The following CDH22 variants were observed in gnomAD, a reference collection of about 807,000 sequenced individuals.
CDH22 encodes the protein cadherin 22.
Under a neutral mutation model 58.4 loss-of-function variants are expected in CDH22, and 30 were observed. The ratio of observed to expected loss-of-function variants is 0.51; its 90% confidence interval spans 0.38 to 0.70. CDH22 has a LOEUF of 0.70. Among genes scored for constraint, CDH22 ranks in the 30% least tolerant of loss-of-function variants. The probability of loss-of-function intolerance (pLI) is 0.00; values close to 1 mark genes in which losing one functional copy is unlikely to be tolerated. For synonymous variants in CDH22, 513 were observed against 558.2 expected, an observed-to-expected ratio of 0.92 and a Z score of 1.14; for missense variants, 1,014 against 1,233.9, an observed-to-expected ratio of 0.82 and a Z score of 2.67.
At chr20:46,268,639 C>T (rs2086473325) in intron 1 of CDH22, among the ~76,000 whole-genome samples, 1 of 152,186 alleles carries the variant, frequency 6.6e-6, no homozygotes, top group Non-Finnish European at 1.5e-5. Context: ...GCCTCCTTAG[C>T]CCCAGACTCC....
In CDH22 at chr20:46,210,549, G is replaced by A; in HGVS notation, c.1044C>T (p.Phe348=). 4 of 1,427,342 alleles carry A rather than the reference G, an allele frequency of 2.8e-6. No individual in the cohort carries two copies. The highest frequency in any genetic ancestry group is 3.7e-6 in the Non-Finnish European group (4 of 1,087,062). 88.4% of individuals were successfully genotyped at this position (1,427,342 alleles called of 1,614,324 possible). ...AIIVVQKRLD[F]ESQPVHTVIL... ...TCACGGTGTGCACGGGCTGGGATTCGAAGTCCAGGCGCTGCGGGAGGGAGC... is the reference window on the plus strand; with the variant it reads ...TCACGGTGTGCACGGGCTGGGATTCAAAGTCCAGGCGCTGCGGGAGGGAGC... The change falls in exon 7 of 12, where the codon TTC becomes TTT. Residue 348 remains phenylalanine, a synonymous_variant. Coordinates refer to ENST00000537909, the MANE Select transcript of CDH22 (RefSeq NM_021248.3). This position sits in a 1 kb window ranked among gnomAD's most constrained non-coding sequence, Gnocchi z 4.5.
Position 46,216,796 on chromosome 20 carries a change from C to A in CDH22, c.838+30G>T. The A allele has an allele frequency of 6.3e-7, 1 of 1,577,476 alleles. No homozygotes were observed. The highest frequency in any genetic ancestry group is 8.7e-7 in the Non-Finnish European group (1 of 1,150,638). On this transcript the variant is annotated intron_variant, in intron 5 of 11. Transcript: ENST00000537909. The surrounding 1 kb of genome is among the most constrained non-coding windows in gnomAD (Gnocchi z 5.3). Reference sequence around the variant, plus strand: ...ATGGGGTAACAGACAGACACACAGACGCGCCTTCCTCTGGGAAGGCCTCAC... The same window carrying A: ...ATGGGGTAACAGACAGACACACAGAAGCGCCTTCCTCTGGGAAGGCCTCAC...
chr20:46,287,059 C>T (rs1389552800), intron 1 of CDH22, among the ~76,000 whole-genome samples: 4 of 152,070 alleles, frequency 2.6e-5, no homozygotes, highest in African/African-American at 4.8e-5. Context: ...GTGAACAAGA[C>T]GGGCATGGTC....
At chr20:46,276,221 A>G (rs565290278) in intron 1 of CDH22, among the ~76,000 whole-genome samples, 2 of 152,198 alleles carry the variant, frequency 1.3e-5, no homozygotes, top group Non-Finnish European at 2.9e-5. Context: ...CTCTGACTGA[A>G]TCTCTGCAGA....
At chr20:46,270,731 C>T (rs1458535330) in intron 1 of CDH22, among the ~76,000 whole-genome samples, 1 of 152,150 alleles carries the variant, frequency 6.6e-6, no homozygotes, top group Non-Finnish European at 1.5e-5. Context: ...ATGGATGGAA[C>T]AGTCTGGAAC....
In CDH22 at chr20:46,216,878, G is replaced by A. The variant is rs372691341; in HGVS notation, c.786C>T (p.Thr262=). Residue 262 remains threonine (T), a synonymous_variant, in exon 5 of 12, where the codon ACC becomes ACT. Transcript: ENST00000537909. The surrounding 1 kb of genome is among the most constrained non-coding windows in gnomAD (Gnocchi z 5.3). The part of the protein sequence containing the change: ...GQLGGLSGST[T]VTIVVTDVND... ...TGACGTCGGTGACTACGATGGTGAC[G>A]GTAGTGGAGCCCGAGAGGCCACCCA... 6.2e-6 allele frequency: 10 copies of A among 1,610,330 alleles called. No individual in the cohort carries two copies. Among genetic ancestry groups the A allele is most frequent in the African/African-American group, 4.0e-5 (3 of 74,816 alleles).
chr20:46,202,643 A>G (rs540040183), intron 7 of CDH22, among the ~76,000 whole-genome samples: 18 of 152,198 alleles, frequency 1.2e-4, no homozygotes, highest in African/African-American at 4.1e-4. Context: ...GTGAGCCACC[A>G]TGCCCGGCCG....
intron 1 of CDH22, among the ~76,000 whole-genome samples, chr20:46,281,722 A>T (rs1600725921): frequency 6.6e-6 from 1 of 152,248 alleles, no homozygotes; most frequent in East Asian, 1.9e-4. Flanking sequence ...TTTGTCACAG[A>T]CACATCTGTC....
chr20:46,261,038 G>C (rs1413849386), intron 1 of CDH22, among the ~76,000 whole-genome samples: 3 of 152,160 alleles, frequency 2.0e-5, no homozygotes, highest in Non-Finnish European at 4.4e-5. Context: ...AAGACCATGA[G>C]ATCCAAAGTC....
intron 1 of CDH22, among the ~76,000 whole-genome samples, chr20:46,266,894 G>A (rs1041995826): frequency 9.3e-5 from 14 of 149,788 alleles, no homozygotes; most frequent in Non-Finnish European, 1.9e-4. Context: ...AGTACTAACA[G>A]GAAGGTCTAT....
chr20:46,281,052 G>A (rs1254661207), intron 1 of CDH22, among the ~76,000 whole-genome samples: 1 of 152,236 alleles, frequency 6.6e-6, no homozygotes, highest in Non-Finnish European at 1.5e-5. Context: ...CACAAGCAAA[G>A]GTCTTCCCAA....
chr20:46,227,386 C>T, intron 4 of CDH22, 122 bp downstream of exon 4: 1 of 943,136 alleles, frequency 1.1e-6, no homozygotes, highest in Non-Finnish European at 1.6e-6. Flanking sequence ...AAGGTGCCCC[C>T]TGTGCTGTCC....
chr20:46,181,054 G>A (rs539329413), intron 10 of CDH22, among the ~76,000 whole-genome samples: 1 of 151,462 alleles, frequency 6.6e-6, no homozygotes, highest in East Asian at 1.9e-4. Flanking sequence ...GGCATTACAG[G>A]CATAAGCCAC....
At chr20:46,212,335 A>C (rs1292163776) in intron 6 of CDH22, among the ~76,000 whole-genome samples, 1 of 152,124 alleles carries the variant, frequency 6.6e-6, no homozygotes, top group Non-Finnish European at 1.5e-5. Flanking sequence ...CTCCCATGGG[A>C]GAGTGGGGTC....
At chr20:46,234,492 G>C (rs989507808) in intron 3 of CDH22, among the ~76,000 whole-genome samples, 5 of 152,224 alleles carry the variant, frequency 3.3e-5, no homozygotes, top group Non-Finnish European at 5.9e-5. Context: ...AGCAGTGCTT[G>C]CTGATAGCTC....
intron 6 of CDH22, among the ~76,000 whole-genome samples, chr20:46,212,072 A>C (rs996080594): frequency 6.6e-6 from 1 of 152,208 alleles, no homozygotes; most frequent in African/African-American, 2.4e-5. Flanking sequence ...GGAACTGGGC[A>C]TTTTGTCTAT....
At chr20:46,222,106 G>C (rs1394978093) in intron 4 of CDH22, among the ~76,000 whole-genome samples, 4 of 152,296 alleles carry the variant, frequency 2.6e-5, no homozygotes, top group African/African-American at 7.2e-5. Context: ...ACACCCACCT[G>C]GTAGGGCTGT....
chr20:46,229,289 G>GGCC (rs796495339), intron 3 of CDH22, among the ~76,000 whole-genome samples: 7 of 138,430 alleles, frequency 5.1e-5, no homozygotes, highest in African/African-American at 1.9e-4. Flanking sequence ...ATGCAGAGTG[G>GGCC]CCCCCCCCCC....
At chr20:46,261,772 T>A (rs1469818776) in intron 1 of CDH22, among the ~76,000 whole-genome samples, 1 of 152,052 alleles carries the variant, frequency 6.6e-6, no homozygotes, top group Non-Finnish European at 1.5e-5. Flanking sequence ...AGCTCAGTGC[T>A]CTCCTTTTGG....
Sources: gnomAD v4.1 joint callset for allele counts (sites outside exome capture counted in the v4.1 genomes callset) on GRCh38, gnomAD v4.1.1 for gene constraint, Gnocchi (gnomAD v3.1) non-coding constraint, MANE v1.5 for transcripts, NCBI Gene and HGNC (gene_info 2026-07-23, HGNC 2026-07-21) for gene names.